Variants in BPIFB4 observed in about 807,000 individuals in gnomAD.
BPIFB4 encodes BPI fold containing family B member 4.
BPIFB4 carries 62 observed loss-of-function variants against 69.2 expected under a neutral mutation model. The observed-to-expected ratio is 0.90, with a 90% CI of 0.73 to 1.11. BPIFB4 has a LOEUF of 1.11. Among genes scored for constraint, BPIFB4 ranks in the 50% least tolerant of loss-of-function variants. The probability of loss-of-function intolerance (pLI) is 0.00; values close to 1 mark genes in which losing one functional copy is unlikely to be tolerated. For synonymous variants in BPIFB4, 330 were observed against 332.7 expected, an observed-to-expected ratio of 0.99 and a Z score of 0.09; for missense variants, 789 against 792.0, an observed-to-expected ratio of 1.00 and a Z score of 0.04.
At chr20:33,088,838 C>G in intron 7 of BPIFB4, 128 bp from the exon 8 acceptor site, 1 of 1,504,974 alleles carries the variant, frequency 6.6e-7, no homozygotes, top group Non-Finnish European at 9.0e-7. Flanking sequence ...TCCCAGCTTT[C>G]GAACAGTTTT....
At chr20:33,083,021 G>A in intron 4 of BPIFB4, 21 bp downstream of exon 4, 3 of 1,604,046 alleles carry the variant, frequency 1.9e-6, no homozygotes, top group Non-Finnish European at 2.6e-6. Flanking sequence ...TGGTGATGGT[G>A]GTGGGCCTCT....
intron 14 of BPIFB4, among the ~76,000 whole-genome samples, chr20:33,102,730 G>A (rs1981939616): frequency 6.6e-6 from 1 of 152,228 alleles, no homozygotes; most frequent in Non-Finnish European, 1.5e-5. Context: ...AGGTCACAAA[G>A]CTAGTAGGTG....
intron 17 of BPIFB4, among the ~76,000 whole-genome samples, chr20:33,109,716 C>T (rs558009369): frequency 6.6e-6 from 1 of 152,132 alleles, no homozygotes; most frequent in East Asian, 1.9e-4. Context: ...GGGAATTATA[C>T]TGGTTTTTGA....
chr20:33,088,376 G>A (rs1981498160), intron 7 of BPIFB4, among the ~76,000 whole-genome samples: 1 of 151,310 alleles, frequency 6.6e-6, no homozygotes, highest in Non-Finnish European at 1.5e-5. Flanking sequence ...AAGAAAAAGA[G>A]CTGCATGGCT....
chr20:33,101,059 G>GATC (rs1195708840), intron 14 of BPIFB4, among the ~76,000 whole-genome samples: 1 of 152,124 alleles, frequency 6.6e-6, no homozygotes, highest in Non-Finnish European at 1.5e-5. Context: ...TAACAGTGAT[G>GATC]ATGATGAGGA....
At chr20:33,089,372 G>T in intron 8 of BPIFB4, 126 bp from the exon 9 acceptor site, 1 of 1,458,710 alleles carries the variant, frequency 6.9e-7, no homozygotes, top group South Asian at 1.3e-5. Context: ...GGGCTGTGGT[G>T]AGGAGAGTGC....
At chr20:33,108,970 C>G (rs943126176) in intron 17 of BPIFB4, among the ~76,000 whole-genome samples, 7 of 152,154 alleles carry the variant, frequency 4.6e-5, no homozygotes, top group Non-Finnish European at 8.8e-5. Flanking sequence ...ATGACAGGCT[C>G]AGACCCAGGG....
intron 9 of BPIFB4, among the ~76,000 whole-genome samples, 175 bp downstream of exon 9, chr20:33,089,733 C>G (rs975410316): frequency 5.3e-5 from 8 of 152,106 alleles, no homozygotes; most frequent in Non-Finnish European, 1.2e-4. Flanking sequence ...CCAAACACCC[C>G]CCCCGAGTAC....
rs190967709 is a variant in BPIFB4, at chr20:33,082,006, A to G, written c.106+374A>G. The stretch of plus-strand genomic sequence containing the variant: ...TGTAATTATAGTCTCTATCTCAGAG[A>G]ACTGATATGAGAATGAAATGAAATG... On this transcript the variant is annotated intron_variant, in intron 3 of 17. Transcript: ENST00000375483. Among the ~76,000 whole-genome samples, 1,248 of 152,288 alleles carry G rather than the reference A, an allele frequency of 8.2e-3. 11 individuals are homozygous for G. Among genetic ancestry groups the G allele is most frequent in the Middle Eastern group, 0.044 (13 of 294 alleles).
intron 7 of BPIFB4, among the ~76,000 whole-genome samples, chr20:33,088,321 A>G (rs1408774609): frequency 4.1e-5 from 6 of 145,404 alleles, no homozygotes; most frequent in Non-Finnish European, 9.0e-5. Flanking sequence ...AGCCTGGGCA[A>G]CAAACTGAGA....
intron 17 of BPIFB4, 90 bp from the exon 18 acceptor site, chr20:33,111,324 A>G: frequency 2.6e-6 from 4 of 1,546,102 alleles, no homozygotes; most frequent in Non-Finnish European, 3.6e-6. Flanking sequence ...TCCTAGAAAC[A>G]TGACCGGCCA....
intron 12 of BPIFB4, 102 bp downstream of exon 12, chr20:33,095,255 C>G: frequency 7.9e-7 from 1 of 1,270,762 alleles, no homozygotes; most frequent in Non-Finnish European, 1.1e-6. Flanking sequence ...GTGGGGTGCT[C>G]TCCCCCGAAC....
rs1011924045 is a variant in BPIFB4, at chr20:33,089,635, G to C, written c.1051+77G>C. ...CTTTCTGGGAGGAGGGCTCAATGTG[G>C]TGGGGGCCACAGACCTGCCCTTAGG... On this transcript the variant is annotated intron_variant, in intron 9 of 17. Transcript: ENST00000375483. 3.8e-5 allele frequency: 61 copies of C among 1,609,000 alleles called. No individual in the cohort carries two copies. In the East Asian group the frequency reaches 1.4e-3, roughly 36 times the overall value.
chr20:33,086,334 G>A (rs1358102834), intron 7 of BPIFB4, among the ~76,000 whole-genome samples, 170 bp downstream of exon 7: 1 of 152,210 alleles, frequency 6.6e-6, no homozygotes, highest in Non-Finnish European at 1.5e-5. Context: ...CTCTGTCCCT[G>A]ACCTGGCACA....
chr20:33,089,580 C>T (rs753546915), intron 9 of BPIFB4, 22 bp downstream of exon 9: 1 of 1,614,100 alleles, frequency 6.2e-7, no homozygotes, highest in East Asian at 2.2e-5. Context: ...ACACTTTCTC[C>T]AGCCTGGGGA....
At chr20:33,107,896 C>A in intron 17 of BPIFB4, 76 bp downstream of exon 17, 2 of 1,311,358 alleles carry the variant, frequency 1.5e-6, no homozygotes, top group Non-Finnish European at 2.2e-6. Context: ...GCATTCAGGC[C>A]AGGAACTTGG....
At chr20:33,093,313 A>C (rs1600558001) in intron 11 of BPIFB4, among the ~76,000 whole-genome samples, 1 of 141,446 alleles carries the variant, frequency 7.1e-6, no homozygotes, top group Non-Finnish European at 1.5e-5. Context: ...CCATCCACCC[A>C]CCCTCCCATT....
chr20:33,110,493 C>T (rs767654791), intron 17 of BPIFB4, among the ~76,000 whole-genome samples: 19 of 152,176 alleles, frequency 1.2e-4, no homozygotes, highest in Non-Finnish European at 2.5e-4. Context: ...GCTAATCAAT[C>T]TCTTGTGAGG....
At chr20:33,105,906 C>T (rs1982037834) in intron 16 of BPIFB4, among the ~76,000 whole-genome samples, 1 of 152,108 alleles carries the variant, frequency 6.6e-6, no homozygotes, top group Admixed American at 6.6e-5. Context: ...GTCTTTTAAT[C>T]ATACTGAAGT....
Sources: allele counts gnomAD v4.1 joint callset (sites outside exome capture counted in the v4.1 genomes callset), GRCh38; gene constraint gnomAD v4.1.1; transcripts MANE v1.5; gene names NCBI Gene and HGNC (gene_info 2026-07-23, HGNC 2026-07-21).